The following KLF13 variants were observed in gnomAD, a reference collection of about 807,000 sequenced individuals.
The protein encoded by KLF13 is Krueppel-like factor 13.
Under a neutral mutation model 16.7 loss-of-function variants are expected in KLF13, and 8 were observed. The observed-to-expected ratio is 0.48, with a 90% CI of 0.28 to 0.87. KLF13 has a LOEUF of 0.87. KLF13 is among the 40% of genes least tolerant of loss of function. KLF13 has a pLI of 0.10. For synonymous variants in KLF13, 245 were observed against 208.4 expected (o/e 1.18, Z -1.51); for missense variants, 447 against 452.2 (o/e 0.99, Z 0.10).
rs2038739462 is a variant in KLF13 at position 31,327,626 on chromosome 15, G to T, written c.414G>T (p.Gly138=). 12 of 1,362,086 alleles carry T rather than the reference G, an allele frequency of 8.8e-6. No individual in the cohort carries two copies. The highest frequency in any genetic ancestry group is 1.1e-5 in the Non-Finnish European group (11 of 1,041,284). The allele number at this position is 1,362,086 out of a possible 1,614,324, so 84.4% of individuals were successfully genotyped here. The change falls in exon 1 of 2, where the codon GGG becomes GGT. Residue 138 remains glycine, a synonymous_variant. Transcript: ENST00000307145. ...EAGLEPEREP[G]PAGSGEPGLR... is the part of the protein sequence containing the mutation. ...GGCTGGAGCCCGAGCGGGAGCCGGG[G>T]CCCGCGGGGAGCGGCGAGCCCGGCC... is the stretch of plus-strand genomic sequence containing the variant.
At chr15:31,331,639 A>T (rs1036924255) in intron 1 of KLF13, among the ~76,000 whole-genome samples, 1 of 152,172 alleles carries the variant, frequency 6.6e-6, no homozygotes, top group Non-Finnish European at 1.5e-5. Flanking sequence ...GTTCAGAGAC[A>T]CACACAGGCC....
intron 1 of KLF13, among the ~76,000 whole-genome samples, chr15:31,332,663 C>A (rs1317817957): frequency 1.3e-5 from 2 of 152,174 alleles, no homozygotes; most frequent in Non-Finnish European, 2.9e-5. Flanking sequence ...GCCCTGAAGC[C>A]CAATTCTCAA....
intron 1 of KLF13, among the ~76,000 whole-genome samples, chr15:31,368,441 T>G (rs1292559022): frequency 6.6e-6 from 1 of 152,230 alleles, no homozygotes; most frequent in East Asian, 1.9e-4. Flanking sequence ...GATAAACAGT[T>G]TTATACAATG....
At chr15:31,401,436 C>T (rs547310723) in intron 2 of KLF13, among the ~76,000 whole-genome samples, 5 of 152,248 alleles carry the variant, frequency 3.3e-5, no homozygotes, top group South Asian at 2.1e-4. Context: ...GGGCAAGGCA[C>T]GGGTAGGGGT....
downstream of KLF13, among the ~76,000 whole-genome samples, chr15:31,405,510 A>G (rs1294606988): frequency 2.0e-5 from 3 of 152,248 alleles, no homozygotes; most frequent in Admixed American, 1.3e-4. Flanking sequence ...GTTTATAACC[A>G]ACCCTGGCTG....
At chr15:31,346,971 T>TG (rs774829279) in intron 1 of KLF13, among the ~76,000 whole-genome samples, 28 of 152,256 alleles carry the variant, frequency 1.8e-4, no homozygotes, top group Non-Finnish European at 3.2e-4. Flanking sequence ...AGGAGCAGAC[T>TG]GTGGTAGCAA....
intron 1 of KLF13, among the ~76,000 whole-genome samples, chr15:31,353,826 A>G (rs2039256781): frequency 1.3e-5 from 2 of 151,664 alleles, no homozygotes; most frequent in South Asian, 4.2e-4. Context: ...CCCCTCTCTC[A>G]CCGAGGACTC....
chr15:31,371,321 A>G (rs1236435505), intron 1 of KLF13, among the ~76,000 whole-genome samples: 1 of 152,140 alleles, frequency 6.6e-6, no homozygotes, highest in Non-Finnish European at 1.5e-5. Flanking sequence ...ACAGGCCCCT[A>G]TAATGGGGTG....
At chr15:31,348,463 G>T (rs2039162021) in intron 1 of KLF13, among the ~76,000 whole-genome samples, 1 of 152,190 alleles carries the variant, frequency 6.6e-6, no homozygotes, top group Non-Finnish European at 1.5e-5. Context: ...AAGAAATTAA[G>T]TGGCACCCAC....
intron 1 of KLF13, among the ~76,000 whole-genome samples, chr15:31,418,366 GAC>G (rs1305300834): frequency 6.6e-6 from 1 of 152,104 alleles, no homozygotes; most frequent in Non-Finnish European, 1.5e-5. Flanking sequence ...TAGAGTGAAA[GAC>G]ACAGGGATGA....
intron 2 of KLF13, among the ~76,000 whole-genome samples, chr15:31,397,877 G>GT (rs200330116): frequency 2.7e-5 from 4 of 149,730 alleles, no homozygotes; most frequent in South Asian, 2.1e-4. Context: ...GTGGCGGCGG[G>GT]GGGGGTGGTG....
At chr15:31,328,582 C>T (rs34784107) in intron 1 of KLF13, among the ~76,000 whole-genome samples, 60,350 of 151,414 alleles carry the variant, frequency 0.4, 13,157 homozygotes, top group South Asian at 0.6. Context: ...CTGCCCACCT[C>T]TCACCTGCCC....
At chr15:31,328,648 C>T (rs1364971008) in intron 1 of KLF13, among the ~76,000 whole-genome samples, 1 of 151,686 alleles carries the variant, frequency 6.6e-6, no homozygotes, top group Non-Finnish European at 1.5e-5. Context: ...AGCCTCCAGC[C>T]TGGGGATCAC....
intron 1 of KLF13, among the ~76,000 whole-genome samples, chr15:31,352,669 C>T (rs1404487427): frequency 6.6e-6 from 1 of 152,222 alleles, no homozygotes; most frequent in Non-Finnish European, 1.5e-5. Flanking sequence ...CTGTGCATTT[C>T]CAGCCTCCTG....
In KLF13 at chr15:31,375,777, A is replaced by G. The variant is rs1331927619; in HGVS notation, c.*3478A>G. Reference sequence around the variant, plus strand: ...GAGCCCTGGGGTCCTGTCCTGCAGGATGCTGCATAGGAATGGGCAGAGATG... The same window carrying G: ...GAGCCCTGGGGTCCTGTCCTGCAGGGTGCTGCATAGGAATGGGCAGAGATG... On this transcript the variant is annotated 3_prime_UTR_variant, in exon 2 of 2. Transcript: ENST00000307145. 6.6e-6 allele frequency: 1 copy of G among 152,206 alleles called. No individual in the cohort carries two copies. The highest frequency in any genetic ancestry group is 1.5e-5 in the Non-Finnish European group (1 of 68,062). 9.4% of individuals were successfully genotyped at this position (152,206 alleles called of 1,614,324 possible).
intron 1 of KLF13, among the ~76,000 whole-genome samples, chr15:31,416,858 T>C (rs1157338902): frequency 6.6e-6 from 1 of 152,214 alleles, no homozygotes; most frequent in Non-Finnish European, 1.5e-5. Context: ...TGTTAATATG[T>C]TTCCTAGAGT....
chr15:31,398,437 A>G (rs1013699211), intron 2 of KLF13, among the ~76,000 whole-genome samples: 1 of 152,158 alleles, frequency 6.6e-6, no homozygotes, highest in Admixed American at 6.5e-5. Flanking sequence ...CGTGGTGGGC[A>G]ATGAGGGAGC....
chr15:31,328,937 GTC>G lies in KLF13; in HGVS notation c.577+1153_577+1154del, dbSNP rs549107543. ...TGTTGTCTTGTGACCAAGGGTGGTG[GTC>G]TCTCATTTGTAAAATAGTTCACATA... On this transcript the variant is annotated intron_variant, in intron 1 of 1. Coordinates refer to ENST00000307145, the MANE Select transcript of KLF13 (RefSeq NM_015995.4). 3.3e-5 allele frequency among the ~76,000 whole-genome samples: 5 copies of G among 152,272 alleles called. No homozygotes were observed. In the South Asian group the frequency reaches 1.0e-3, roughly 32 times the overall value.
chr15:31,395,488 T>C (rs2140987035), intron 2 of KLF13, among the ~76,000 whole-genome samples: 1 of 152,304 alleles, frequency 6.6e-6, no homozygotes, highest in African/African-American at 2.4e-5. Flanking sequence ...GGACATAAGT[T>C]TTCATTTCTC....
Sources: allele counts gnomAD v4.1 joint callset (sites outside exome capture counted in the v4.1 genomes callset), GRCh38; gene constraint gnomAD v4.1.1; transcripts MANE v1.5; gene names NCBI Gene and HGNC (gene_info 2026-07-23, HGNC 2026-07-21).